Variants in FGF12 observed in about 807,000 individuals in gnomAD.
The protein encoded by FGF12 is fibroblast growth factor 12B.
Under a neutral mutation model 23.6 loss-of-function variants are expected in FGF12, and 14 were observed. The observed-to-expected ratio is 0.59, with a 90% CI of 0.39 to 0.93. The LOEUF is 0.93. Among genes scored for constraint, FGF12 ranks in the 40% least tolerant of loss-of-function variants. The probability of loss-of-function intolerance (pLI) is 0.00; values close to 1 mark genes in which losing one functional copy is unlikely to be tolerated. For synonymous variants in FGF12, 62 were observed against 77.3 expected (o/e 0.80, Z 1.04); for missense variants, 175 against 217.8 (o/e 0.80, Z 1.24).
Position 192,360,417 on chromosome 3 carries a change from A to G in FGF12, c.124+11T>C, listed in dbSNP as rs886795493. On this transcript the variant is annotated intron_variant, in intron 3 of 5. Coordinates refer to ENST00000445105, the MANE Select transcript of FGF12 (RefSeq NM_004113.6). The surrounding 1 kb of genome is among the most constrained non-coding windows in gnomAD (Gnocchi z 4.3). ...TTTGTAATCAGATTGTAAGAAGCTA[A>G]TGTTTCTTACTGTAGTCGCTGTTTT... is the stretch of plus-strand genomic sequence containing the variant. 1 of 1,537,044 alleles carries G rather than the reference A, an allele frequency of 6.5e-7. No homozygotes were observed. Among genetic ancestry groups the G allele is most frequent in the African/African-American group, 1.4e-5 (1 of 73,420 alleles).
chr3:192,289,686 T>G (rs1522274), intron 4 of FGF12, among the ~76,000 whole-genome samples: 64,541 of 151,944 alleles, frequency 0.42, 14,627 homozygotes, highest in East Asian at 0.94. Flanking sequence ...TTTTGTTTAT[T>G]CACTACAAAA....
At chr3:192,684,289 G>A (rs560101766) in intron 2 of FGF12, among the ~76,000 whole-genome samples, 1 of 152,254 alleles carries the variant, frequency 6.6e-6, no homozygotes, top group South Asian at 2.1e-4. Context: ...ACGGAAATAC[G>A]CATCAGACCC....
chr3:192,369,244 A>T (rs1036326734), intron 2 of FGF12, among the ~76,000 whole-genome samples: 1 of 152,186 alleles, frequency 6.6e-6, no homozygotes, highest in Non-Finnish European at 1.5e-5. Flanking sequence ...GTCACCTGTG[A>T]CTTTCAAAGG....
At chr3:192,312,407 AT>A (rs201802624) in intron 4 of FGF12, among the ~76,000 whole-genome samples, 12,644 of 132,466 alleles carry the variant, frequency 0.095, 602 homozygotes, top group South Asian at 0.18. Flanking sequence ...TTAGCCTTTA[AT>A]TTTTTTTTTT....
chr3:192,202,317 T>TTTTG (rs1331375609), intron 4 of FGF12, among the ~76,000 whole-genome samples: 2 of 151,728 alleles, frequency 1.3e-5, no homozygotes, highest in Non-Finnish European at 2.9e-5. Flanking sequence ...CTAAACAGAG[T>TTTTG]TTTGATGTCA....
intron 2 of FGF12, among the ~76,000 whole-genome samples, chr3:192,467,392 G>GT (rs1326522653): frequency 1.3e-5 from 2 of 152,112 alleles, no homozygotes; most frequent in Non-Finnish European, 2.9e-5. Context: ...TCCTGAATCT[G>GT]TTTACTCTTT....
chr3:192,213,192 G>A (rs1024054060), intron 4 of FGF12, among the ~76,000 whole-genome samples: 4 of 152,218 alleles, frequency 2.6e-5, no homozygotes, highest in African/African-American at 4.8e-5. Flanking sequence ...CCCAGCAAGC[G>A]AGCGCCAGAG....
intron 3 of FGF12, among the ~76,000 whole-genome samples, chr3:192,350,631 G>T (rs1718175946): frequency 6.6e-6 from 1 of 152,096 alleles, no homozygotes; most frequent in African/African-American, 2.4e-5. Context: ...GGGGATAGCT[G>T]GTCCCAATGC....
At chr3:192,165,616 G>C (rs1456857527) in intron 5 of FGF12, among the ~76,000 whole-genome samples, 1 of 151,682 alleles carries the variant, frequency 6.6e-6, no homozygotes, top group Non-Finnish European at 1.5e-5. Flanking sequence ...GCTTGAACAT[G>C]GCATTCCATT....
At chr3:192,652,567 C>T (rs867959279) in intron 2 of FGF12, among the ~76,000 whole-genome samples, 8 of 152,298 alleles carry the variant, frequency 5.3e-5, no homozygotes, top group East Asian at 1.9e-4. Flanking sequence ...TCCTTAAGAA[C>T]GGTTCTCAAA....
At chr3:192,630,719 ATT>A (rs372293531) in intron 2 of FGF12, among the ~76,000 whole-genome samples, 15 of 145,448 alleles carry the variant, frequency 1.0e-4, no homozygotes, top group African/African-American at 2.8e-4. Flanking sequence ...CGCCCGGCTA[ATT>A]TTTTTTTTTT....
At chr3:192,361,212 C>CTAAGTATTT (rs1302719307) in intron 2 of FGF12, among the ~76,000 whole-genome samples, 2 of 145,716 alleles carry the variant, frequency 1.4e-5, no homozygotes, top group Non-Finnish European at 3.0e-5. Flanking sequence ...ACATATTTAT[C>CTAAGTATTT]TAAGTATTTC....
intron 2 of FGF12, among the ~76,000 whole-genome samples, chr3:192,588,364 A>AAAAG (rs1560160906): frequency 2.7e-5 from 4 of 145,972 alleles, no homozygotes; most frequent in East Asian, 2.0e-4. Context: ...AAAAAAAAAA[A>AAAAG]AAAGAAAAAA....
chr3:192,607,281 G>A (rs187437347), intron 2 of FGF12, among the ~76,000 whole-genome samples: 86 of 152,254 alleles, frequency 5.6e-4, no homozygotes, highest in African/African-American at 1.8e-3. Context: ...TTCAGGAGCA[G>A]TATCAGAAAG....
chr3:192,452,767 T>C (rs963997140), intron 2 of FGF12, among the ~76,000 whole-genome samples: 5 of 152,184 alleles, frequency 3.3e-5, no homozygotes, highest in African/African-American at 1.2e-4. Context: ...TCTTTCAGCT[T>C]CCATTTTTTA....
At chr3:192,158,655 C>CCCTCCCCCTTCCTTCTTTCCTT (rs1553844333) in intron 5 of FGF12, among the ~76,000 whole-genome samples, 8 of 27,078 alleles carry the variant, frequency 3.0e-4, no homozygotes, top group East Asian at 1.5e-3. Flanking sequence ...CTCCCTCCCT[C>CCCTCCCCCTTCCTTCTTTCCTT]CCTTCCTTCC....
chr3:192,590,876 C>T (rs1158161137), intron 2 of FGF12, among the ~76,000 whole-genome samples: 1 of 151,886 alleles, frequency 6.6e-6, no homozygotes, highest in Admixed American at 6.6e-5. Context: ...ACAGTGATGA[C>T]CTGATAGCTT....
intron 5 of FGF12, among the ~76,000 whole-genome samples, chr3:192,147,591 A>C (rs1348417498): frequency 6.6e-6 from 1 of 152,218 alleles, no homozygotes; most frequent in Non-Finnish European, 1.5e-5. Flanking sequence ...AAGCAATTTT[A>C]AATTGATTAA....
intron 2 of FGF12, among the ~76,000 whole-genome samples, chr3:192,440,803 T>C (rs1383780364): frequency 1.3e-5 from 2 of 152,224 alleles, no homozygotes; most frequent in Non-Finnish European, 2.9e-5. Flanking sequence ...CTTCAGTCCC[T>C]GTAAGCATCC....
Sources: gnomAD v4.1 joint callset for allele counts (sites outside exome capture counted in the v4.1 genomes callset) on GRCh38, gnomAD v4.1.1 for gene constraint, Gnocchi (gnomAD v3.1) non-coding constraint, MANE v1.5 for transcripts, NCBI Gene and HGNC (gene_info 2026-07-23, HGNC 2026-07-21) for gene names.